The following IL15 variants were observed in gnomAD, a reference collection of about 807,000 sequenced individuals.
The protein encoded by IL15 is interleukin 15, also known as interleukin-15.
IL15 carries 11 observed loss-of-function variants against 19.6 expected under a neutral mutation model. The ratio of observed to expected loss-of-function variants is 0.56; its 90% CI spans 0.35 to 0.93. IL15 has a LOEUF of 0.93. IL15 is among the 40% of genes least tolerant of loss of function. IL15 has a pLI of 0.01. For missense variants in IL15, 197 were observed against 186.5 expected (o/e 1.06, Z -0.33); for synonymous variants, 58 against 59.6 (o/e 0.97, Z 0.12).
At chr4:141,643,183 T>C (rs1258058709) in intron 1 of IL15, among the ~76,000 whole-genome samples, 8 of 152,198 alleles carry the variant, frequency 5.3e-5, no homozygotes, top group Non-Finnish European at 4.4e-5. Context: ...GACATAACTC[T>C]AGTAATTCAT....
intron 2 of IL15, among the ~76,000 whole-genome samples, chr4:141,692,066 T>C (rs953536885): frequency 2.6e-5 from 4 of 152,346 alleles, no homozygotes; most frequent in African/African-American, 9.6e-5. Context: ...AATTCTTGTC[T>C]TCTGTGCACC....
At chr4:141,731,142 T>C (rs1401037975) in intron 7 of IL15, among the ~76,000 whole-genome samples, 1 of 152,150 alleles carries the variant, frequency 6.6e-6, no homozygotes, top group African/African-American at 2.4e-5. Context: ...ACACCTTGAC[T>C]TTTCTCTAAA....
intron 1 of IL15, among the ~76,000 whole-genome samples, chr4:141,652,623 C>T (rs1727448194): frequency 6.6e-6 from 1 of 151,998 alleles, no homozygotes; most frequent in Non-Finnish European, 1.5e-5. Flanking sequence ...TCATGTGAAG[C>T]TAAGTATTTG....
intron 2 of IL15, among the ~76,000 whole-genome samples, chr4:141,684,014 A>C (rs17007539): frequency 0.022 from 3,402 of 152,286 alleles, 133 homozygotes; most frequent in African/African-American, 0.077. Flanking sequence ...CCAAAAATAC[A>C]CTTATGGAAG....
At chr4:141,660,385 G>A (rs1444125915) in intron 2 of IL15, among the ~76,000 whole-genome samples, 2 of 152,044 alleles carry the variant, frequency 1.3e-5, no homozygotes, top group Non-Finnish European at 2.9e-5. Context: ...TACAAGCTTG[G>A]GTGGCCTTGA....
intron 1 of IL15, among the ~76,000 whole-genome samples, chr4:141,652,319 G>C: frequency 6.6e-6 from 1 of 152,070 alleles, no homozygotes; most frequent in East Asian, 1.9e-4. Flanking sequence ...AGTGGAGAAG[G>C]AAGAACCAGC....
At chr4:141,719,808 C>A (rs535168765) in intron 3 of IL15, among the ~76,000 whole-genome samples, 5 of 152,166 alleles carry the variant, frequency 3.3e-5, no homozygotes, top group African/African-American at 1.2e-4. Context: ...GAAGCATGAA[C>A]AATTAGTGGT....
intron 2 of IL15, among the ~76,000 whole-genome samples, chr4:141,690,253 C>T (rs1728866120): frequency 6.6e-6 from 1 of 152,238 alleles, no homozygotes; most frequent in Admixed American, 6.5e-5. Flanking sequence ...CCACACCTCC[C>T]TGCAAGCTGA....
intron 2 of IL15, among the ~76,000 whole-genome samples, chr4:141,677,790 T>C (rs1209833740): frequency 6.6e-6 from 1 of 152,220 alleles, no homozygotes; most frequent in Admixed American, 6.5e-5. Context: ...AGTCACCCCT[T>C]CTATGTAAAA....
chr4:141,638,938 GT>G (rs1161321816), intron 1 of IL15, among the ~76,000 whole-genome samples: 5 of 152,110 alleles, frequency 3.3e-5, no homozygotes, highest in Admixed American at 3.3e-4. Context: ...TTAATGTTGA[GT>G]TCTGCTCATT....
chr4:141,714,505 T>C (rs1264853226), intron 2 of IL15, among the ~76,000 whole-genome samples: 1 of 152,192 alleles, frequency 6.6e-6, no homozygotes, highest in Non-Finnish European at 1.5e-5. Flanking sequence ...CTTAAAAACC[T>C]TTTCTTGCTA....
At chr4:141,652,327 A>G (rs1419283617) in intron 1 of IL15, among the ~76,000 whole-genome samples, 1 of 152,138 alleles carries the variant, frequency 6.6e-6, no homozygotes, top group Non-Finnish European at 1.5e-5. Flanking sequence ...AGGAAGAACC[A>G]GCAGTGCTAT....
At chr4:141,727,858 T>G (rs1730319748) in intron 5 of IL15, 82 bp from the exon 6 acceptor site, 1 of 700,754 alleles carries the variant, frequency 1.4e-6, no homozygotes, top group Non-Finnish European at 2.5e-6. Context: ...TTAAAAACAA[T>G]TTAATGTTTT....
chr4:141,671,421 T>G (rs1002406456), intron 2 of IL15, among the ~76,000 whole-genome samples: 2 of 152,194 alleles, frequency 1.3e-5, no homozygotes, highest in African/African-American at 4.8e-5. Context: ...GATTTAAAAT[T>G]TTGTAGTAAA....
chr4:141,720,760 T>C (rs1730048435), intron 4 of IL15, 194 bp downstream of exon 4: 1 of 600,420 alleles, frequency 1.7e-6, no homozygotes, highest in Admixed American at 3.4e-5. Flanking sequence ...TTCTACATTG[T>C]GGTAATAGTC....
rs774117917 is a variant in IL15, at chr4:141,732,820, T to C, written c.461T>C (p.Ile154Thr). ...IKEFLQSFVH[I>T]VQMFINTS ...GAATTTTTGCAGAGTTTTGTACATA[T>C]TGTCCAAATGTTCATCAACACTTCT... Residue 154 changes from isoleucine (I) to threonine (T), a missense_variant, in exon 8 of 8, where the codon ATT becomes ACT. Transcript: ENST00000320650. The C allele has an allele frequency of 6.2e-7, 1 of 1,611,254 alleles. No homozygotes were observed. The highest frequency in any genetic ancestry group is 1.1e-5 in the South Asian group (1 of 89,996).
chr4:141,695,325 A>G (rs1394428785), intron 2 of IL15, among the ~76,000 whole-genome samples: 1 of 94,006 alleles, frequency 1.1e-5, no homozygotes, highest in Non-Finnish European at 1.9e-5. Context: ...GAGTGAGATT[A>G]TGTAGTACTT....
chr4:141,647,625 C>T (rs150219973), intron 1 of IL15, among the ~76,000 whole-genome samples: 201 of 152,100 alleles, frequency 1.3e-3, no homozygotes, highest in African/African-American at 4.6e-3. Flanking sequence ...CCCAGGTCTT[C>T]AAAAGAGAAG....
chr4:141,680,038 A>T (rs1728480696), intron 2 of IL15, among the ~76,000 whole-genome samples: 1 of 152,248 alleles, frequency 6.6e-6, no homozygotes, highest in Non-Finnish European at 1.5e-5. Context: ...GAGAACAAAA[A>T]GTTTCCACTA....
Sources: allele counts gnomAD v4.1 joint callset (sites outside exome capture counted in the v4.1 genomes callset), GRCh38; gene constraint gnomAD v4.1.1; transcripts MANE v1.5; gene names NCBI Gene and HGNC (gene_info 2026-07-23, HGNC 2026-07-21).